Variants in DNAJC16 observed in about 807,000 individuals in gnomAD.
The protein encoded by DNAJC16 is DnaJ heat shock protein family (Hsp40) member C16, also known as dnaJ homolog subfamily C member 16.
In DNAJC16, 76 loss-of-function variants were observed where a neutral mutation model predicts 92.7. That is an observed-to-expected ratio of 0.82 (90% CI 0.68 to 0.99). The LOEUF (loss-of-function observed/expected upper bound fraction) is 0.99. Among genes scored for constraint, DNAJC16 ranks in the 50% least tolerant of loss-of-function variants. The pLI, the probability that DNAJC16 is intolerant of heterozygous loss-of-function variation, is 0.00. For synonymous variants in DNAJC16, 328 were observed against 358.7 expected, an observed-to-expected ratio of 0.91 and a Z score of 0.97; for missense variants, 869 against 942.4, an observed-to-expected ratio of 0.92 and a Z score of 1.02.
intron 5 of DNAJC16, among the ~76,000 whole-genome samples, chr1:15,545,751 G>T (rs549183236): frequency 6.6e-6 from 1 of 152,330 alleles, no homozygotes; most frequent in African/African-American, 2.4e-5. Flanking sequence ...CCCACATGGA[G>T]CCGTTGTAGG....
At chr1:15,540,941 ACTGGT>A (rs1256833649) in intron 4 of DNAJC16, among the ~76,000 whole-genome samples, 1 of 152,170 alleles carries the variant, frequency 6.6e-6, no homozygotes, top group African/African-American at 2.4e-5. Context: ...CTGGGGCAGA[ACTGGT>A]CATTGGAGGC....
intron 13 of DNAJC16, 75 bp downstream of exon 13, chr1:15,566,255 T>G (rs952352911): frequency 8.1e-7 from 1 of 1,228,422 alleles, no homozygotes; most frequent in Non-Finnish European, 1.2e-6. Flanking sequence ...AACGCAGCAT[T>G]GGAACATAGA....
chr1:15,537,102 C>T (rs905037858), intron 4 of DNAJC16, among the ~76,000 whole-genome samples: 2 of 152,188 alleles, frequency 1.3e-5, no homozygotes, highest in African/African-American at 2.4e-5. Context: ...CTGCCTGCCT[C>T]GGCCTCCCAC....
Position 15,526,924 on chromosome 1 carries a change from G to C in DNAJC16, c.-53G>C, listed in dbSNP as rs1430431017. 1 of 152,370 alleles carries C rather than the reference G, an allele frequency of 6.6e-6. No individual in the cohort carries two copies. The highest frequency in any genetic ancestry group is 2.1e-4 in the South Asian group (1 of 4,842). The allele number at this position is 152,370 out of a possible 1,614,324, so 9.4% of individuals were successfully genotyped here. ...CGGCCCGGCGAACTAACTGGAGCAC[G>C]GAGCTGCAGCCGGTTGGGCCGGTGT... On this transcript the variant is annotated 5_prime_UTR_variant, in exon 1 of 15. Transcript: ENST00000375847.
intron 7 of DNAJC16, among the ~76,000 whole-genome samples, chr1:15,555,598 C>A (rs1638550907): frequency 6.7e-6 from 1 of 148,990 alleles, no homozygotes; most frequent in African/African-American, 2.5e-5. Flanking sequence ...CAGAGAATTG[C>A]TTGAACCCAG....
chr1:15,531,647 A>G (rs1015741905), intron 2 of DNAJC16, among the ~76,000 whole-genome samples: 5 of 152,238 alleles, frequency 3.3e-5, no homozygotes, highest in African/African-American at 1.2e-4. Context: ...AAAGGGTGTT[A>G]TGATATTAAT....
chr1:15,529,741 T>A (rs1710610480), intron 2 of DNAJC16, among the ~76,000 whole-genome samples: 1 of 151,798 alleles, frequency 6.6e-6, no homozygotes, highest in South Asian at 2.1e-4. Context: ...AAAAAAAAAA[T>A]TCAGAAACCA....
chr1:15,563,914 C>A lies in DNAJC16; in HGVS notation c.1339-15C>A. ...TTTTGAAACTTCTGATGTTTTTTCT[C>A]TACTTTTCTTCCAGGTGTCTATTTT... is the stretch of plus-strand genomic sequence containing the variant. On this transcript the variant is annotated splice_polypyrimidine_tract_variant and intron_variant, in intron 9 of 14. Coordinates refer to ENST00000375847, the MANE Select transcript of DNAJC16 (RefSeq NM_015291.4). 1 of 1,585,876 alleles carries A rather than the reference C, an allele frequency of 6.3e-7. No homozygotes were observed. The highest frequency in any genetic ancestry group is 1.2e-5 in the South Asian group (1 of 86,946).
chr1:15,543,727 A>G (rs529214374), intron 4 of DNAJC16, among the ~76,000 whole-genome samples: 11 of 152,334 alleles, frequency 7.2e-5, no homozygotes, highest in African/African-American at 2.6e-4. Flanking sequence ...AGAGCAGGGC[A>G]TATAATGAAA....
rs1363022108 is a variant in DNAJC16 at position 15,571,459 on chromosome 1, C to T, written c.*3282C>T. 2 of 152,610 alleles carry T rather than the reference C, an allele frequency of 1.3e-5. No individual in the cohort carries two copies. The highest frequency in any genetic ancestry group is 2.9e-5 in the Non-Finnish European group (2 of 68,038). 9.5% of individuals were successfully genotyped at this position (152,610 alleles called of 1,614,324 possible). A position where few individuals can be genotyped will look rare whatever the true frequency, so the allele number is the denominator to read the frequency against. On this transcript the variant is annotated 3_prime_UTR_variant, in exon 15 of 15. Transcript: ENST00000375847. The stretch of plus-strand genomic sequence containing the variant: ...ACATCCACCTGTCTGACATTGTCCC[C>T]TAAAAACAAGTGCAGTGTGGCAGCT...
chr1:15,550,819 C>T (rs1032078489), intron 7 of DNAJC16, among the ~76,000 whole-genome samples: 1 of 152,196 alleles, frequency 6.6e-6, no homozygotes, highest in Non-Finnish European at 1.5e-5. Context: ...GTGTGCTTCA[C>T]CCCCAATCAC....
chr1:15,557,104 G>A (rs1438980526), intron 7 of DNAJC16, among the ~76,000 whole-genome samples: 1 of 152,098 alleles, frequency 6.6e-6, no homozygotes, highest in East Asian at 1.9e-4. Flanking sequence ...TTTTGCTTAG[G>A]ACTTTGACAT....
Position 15,569,211 on chromosome 1 carries a change from T to C in DNAJC16, c.*1034T>C, listed in dbSNP as rs1461586909. 2 of 152,816 alleles carry C rather than the reference T, an allele frequency of 1.3e-5. No homozygotes were observed. The highest frequency in any genetic ancestry group is 1.9e-4 in the East Asian group (1 of 5,216). 9.5% of individuals were successfully genotyped at this position (152,816 alleles called of 1,614,324 possible). On this transcript the variant is annotated 3_prime_UTR_variant, in exon 15 of 15. Coordinates refer to ENST00000375847, the MANE Select transcript of DNAJC16 (RefSeq NM_015291.4). ...CAAGGAACTTAAAATTTCTCAACAA[T>C]TGTATTTTGAACACTGTTACCCTAA...
chr1:15,529,041 G>T (rs141687841), intron 1 of DNAJC16, 47 bp from the exon 2 acceptor site: 2 of 1,560,194 alleles, frequency 1.3e-6, no homozygotes, highest in Non-Finnish European at 8.8e-7. Context: ...AAGCAAGACT[G>T]TCCAGGTTTC....
intron 1 of DNAJC16, among the ~76,000 whole-genome samples, chr1:15,527,954 C>T (rs1423914288): frequency 6.6e-6 from 1 of 152,098 alleles, no homozygotes; most frequent in Non-Finnish European, 1.5e-5. Context: ...CCAGCACTAC[C>T]CTGTTCATTA....
At chr1:15,544,268 A>G in intron 4 of DNAJC16, 131 bp from the exon 5 acceptor site, 6 of 871,484 alleles carry the variant, frequency 6.9e-6, no homozygotes. Context: ...AAAGAATGCT[A>G]GACAGTCTAT....
intron 11 of DNAJC16, 99 bp downstream of exon 11, chr1:15,564,458 A>T: frequency 2.4e-6 from 2 of 819,468 alleles, no homozygotes; most frequent in Admixed American, 3.7e-5. Flanking sequence ...TTCAAGGTAC[A>T]CTTGATGGGG....
At position 15,568,101 on chromosome 1, in the gene DNAJC16, T is replaced by G. The variant is rs752190540; in HGVS notation, c.2273T>G (p.Leu758Arg). 1 of 1,614,130 alleles carries G rather than the reference T, an allele frequency of 6.2e-7. No individual in the cohort carries two copies. Among genetic ancestry groups the G allele is most frequent in the Non-Finnish European group, 8.5e-7 (1 of 1,180,024 alleles). The change falls in exon 15 of 15, where the codon CTC becomes CGC. Residue 758 changes from leucine (L) to arginine (R), a missense_variant. Physicochemically the swap from Leu to Arg is moderately radical, Grantham distance 102. Coordinates refer to ENST00000375847, the MANE Select transcript of DNAJC16 (RefSeq NM_015291.4). Reference protein sequence around the residue: ...SRPIKGKLSKLSLWMERLLEG... With the variant: ...SRPIKGKLSKRSLWMERLLEG... The stretch of plus-strand genomic sequence containing the variant: ...CCCATCAAAGGAAAGTTGAGCAAGC[T>G]CTCTTTATGGATGGAACGCCTGCTG...
In DNAJC16 at chr1:15,548,447, G is replaced by A; in HGVS notation, c.1023+19G>A. On this transcript the variant is annotated intron_variant, in intron 7 of 14. Transcript: ENST00000375847. ...TATCCAGGTACGTGAGGGTCACCTT[G>A]GTTAAGATTTTCTTCACATTTTATC... The A allele has an allele frequency of 6.3e-7, 1 of 1,587,492 alleles. No individual in the cohort carries two copies. The highest frequency in any genetic ancestry group is 1.3e-5 in the African/African-American group (1 of 74,314).
Sources: allele counts gnomAD v4.1 joint callset (sites outside exome capture counted in the v4.1 genomes callset), GRCh38; gene constraint gnomAD v4.1.1; transcripts MANE v1.5; gene names NCBI Gene and HGNC (gene_info 2026-07-23, HGNC 2026-07-21).